NSUN6: variants seen among roughly 807,000 people sequenced by gnomAD.
NSUN6 encodes NOP2/Sun RNA methyltransferase 6.
A neutral mutation model predicts 58.0 loss-of-function variants in NSUN6; 64 were observed. That is an observed-to-expected ratio of 1.10 (90% CI 0.90 to 1.36). NSUN6 has a LOEUF of 1.36. NSUN6 is among the 40% of genes most tolerant of loss of function. The probability of loss-of-function intolerance (pLI) is 0.00; values close to 1 mark genes in which losing one functional copy is unlikely to be tolerated. For missense variants in NSUN6, 701 were observed against 550.1 expected, an observed-to-expected ratio of 1.27 and a Z score of -2.74; for synonymous variants, 231 against 193.9, an observed-to-expected ratio of 1.19 and a Z score of -1.59.
At position 18,648,608 on chromosome 10, in the gene NSUN6, T is replaced by C; in HGVS notation, c.113A>G (p.Lys38Arg). 1.9e-6 allele frequency: 3 copies of C among 1,607,154 alleles called. 1 individual carries two copies. The Middle Eastern group carries it at 5.0e-4, about 266-fold the overall frequency. The change falls in exon 2 of 11, where the codon AAG (lysine) becomes AGG (arginine). Residue 38 changes from lysine to arginine, a missense_variant. Physicochemically the swap from Lys to Arg is conservative, Grantham distance 26 (BLOSUM62 2). Coordinates refer to ENST00000377304, the MANE Select transcript of NSUN6 (RefSeq NM_182543.5). ...TALGKQEAER[K>R]FETLLKHLSH... is the part of the protein sequence containing the mutation. ...CAGGTGCTTTAACAAAGTTTCAAAC[T>C]TCCTTTCTGCTTCTTGTTTACCTAA... is the stretch of plus-strand genomic sequence containing the variant.
At chr10:18,649,766 T>A (rs1373138384) in intron 1 of NSUN6, among the ~76,000 whole-genome samples, 1 of 152,174 alleles carries the variant, frequency 6.6e-6, no homozygotes, top group African/African-American at 2.4e-5. Flanking sequence ...GACGTTTGGA[T>A]CTTCTTTATA....
In NSUN6 at chr10:18,648,536, G is replaced by T; in HGVS notation, c.185C>A (p.Ala62Asp). Residue 62 changes from alanine to aspartate, a missense_variant, in exon 2 of 11, where the codon GCC becomes GAC. Coordinates refer to ENST00000377304, the MANE Select transcript of NSUN6 (RefSeq NM_182543.5). ...CAGATTTTTCACATGTTGTACTGAG[G>T]CTAAATGTGTATTCACTCTGACAGT... Reference protein sequence around the residue: ...FTTVRVNTHLASVQHVKNLLL... With the variant: ...FTTVRVNTHLDSVQHVKNLLL... 1 of 1,608,894 alleles carries T rather than the reference G, an allele frequency of 6.2e-7. No individual in the cohort carries two copies. Among genetic ancestry groups the T allele is most frequent in the Non-Finnish European group, 8.5e-7 (1 of 1,175,446 alleles).
chr10:18,644,062 C>G (rs188894534), intron 2 of NSUN6, among the ~76,000 whole-genome samples: 1 of 152,142 alleles, frequency 6.6e-6, no homozygotes, highest in Non-Finnish European at 1.5e-5. Flanking sequence ...CCATTTTAAA[C>G]GTACAATTCA....
intron 8 of NSUN6, among the ~76,000 whole-genome samples, chr10:18,584,309 A>C (rs573534625): frequency 1.4e-3 from 219 of 152,282 alleles, no homozygotes; most frequent in Admixed American, 5.3e-3. Context: ...TACCTTATAA[A>C]AGTTTCCGCT....
rs1299948004 is a variant in NSUN6, at chr10:18,562,548, A to ATGGAATGGAGAATGGAG, written c.923-10594_923-10578dup. On this transcript the variant is annotated intron_variant, in intron 8 of 10. Transcript: ENST00000377304. ...AGAATGGAATGGAGAATGGAATAGA[A>ATGGAATGGAGAATGGAG]TGGAATGGAGAATGGAGTGGAATAG... Among the ~76,000 whole-genome samples the ATGGAATGGAGAATGGAG allele has an allele frequency of 4.1e-4, 62 of 150,226 alleles. 1 individual carries two copies. Among genetic ancestry groups the ATGGAATGGAGAATGGAG allele is most frequent in the African/African-American group, 1.5e-3 (60 of 39,998 alleles).
At chr10:18,628,285 T>A (rs995526552) in intron 3 of NSUN6, among the ~76,000 whole-genome samples, 1 of 151,812 alleles carries the variant, frequency 6.6e-6, no homozygotes, top group African/African-American at 2.4e-5. Context: ...CAAAAGTAGA[T>A]AAAACCACAA....
chr10:18,610,436 G>A (rs894674444), intron 5 of NSUN6, among the ~76,000 whole-genome samples: 3 of 152,122 alleles, frequency 2.0e-5, no homozygotes, highest in African/African-American at 7.2e-5. Context: ...AGAATACGAA[G>A]CCATCAGAAC....
At chr10:18,611,370 A>G (rs1405206581) in intron 5 of NSUN6, among the ~76,000 whole-genome samples, 2 of 152,126 alleles carry the variant, frequency 1.3e-5, no homozygotes, top group Non-Finnish European at 1.5e-5. Context: ...ATCTTGGCAG[A>G]CATGCATCTA....
chr10:18,560,158 GGGGAA>G (rs1381315778), intron 8 of NSUN6, among the ~76,000 whole-genome samples: 12 of 149,730 alleles, frequency 8.0e-5, no homozygotes, highest in African/African-American at 2.4e-4. Flanking sequence ...AGAATGGAAT[GGGGAA>G]TGGAATGGAA....
intron 8 of NSUN6, among the ~76,000 whole-genome samples, chr10:18,577,440 C>T (rs1589930785): frequency 6.6e-6 from 1 of 151,990 alleles, no homozygotes; most frequent in South Asian, 2.1e-4. Flanking sequence ...AATGGGTGTA[C>T]TTCTTCTTCT....
chr10:18,653,729 A>C (rs1371704342), upstream of NSUN6, among the ~76,000 whole-genome samples: 3 of 152,216 alleles, frequency 2.0e-5, no homozygotes, highest in Non-Finnish European at 4.4e-5. Flanking sequence ...TGACGAAGAT[A>C]TCTCTTGGGA....
At chr10:18,647,470 T>A (rs563425024) in intron 2 of NSUN6, among the ~76,000 whole-genome samples, 1 of 152,304 alleles carries the variant, frequency 6.6e-6, no homozygotes, top group African/African-American at 2.4e-5. Flanking sequence ...ATGAAACACC[T>A]AAGGCAAAGC....
At chr10:18,554,980 G>A (rs1426462228) in intron 8 of NSUN6, among the ~76,000 whole-genome samples, 1 of 151,292 alleles carries the variant, frequency 6.6e-6, no homozygotes, top group African/African-American at 2.4e-5. Context: ...ATGGACACTG[G>A]AATGGAAAAT....
chr10:18,578,578 C>G (rs998160684), intron 8 of NSUN6, among the ~76,000 whole-genome samples: 1 of 152,096 alleles, frequency 6.6e-6, no homozygotes. Flanking sequence ...TTGCTTACAG[C>G]CCCCCAACAT....
At chr10:18,589,432 C>T (rs1047881532) in intron 7 of NSUN6, among the ~76,000 whole-genome samples, 1 of 152,084 alleles carries the variant, frequency 6.6e-6, no homozygotes. Flanking sequence ...CACTAAGATA[C>T]CCCTCAAGAA....
chr10:18,652,339 CT>C (rs2059723922), upstream of NSUN6: 1 of 982,910 alleles, frequency 1.0e-6, no homozygotes, highest in African/African-American at 1.8e-5. Flanking sequence ...ATTCTATCAC[CT>C]TGACATATGT....
At position 18,545,749 on chromosome 10, in the gene NSUN6, T is replaced by C. The variant is rs1057025171; in HGVS notation, c.*184A>G. On this transcript the variant is annotated 3_prime_UTR_variant, in exon 11 of 11. Coordinates refer to ENST00000377304, the MANE Select transcript of NSUN6 (RefSeq NM_182543.5). ...AAAAATCTTTTAAAAACAGAAAATA[T>C]AATCTCATACCACCCCCTACTTCCT... 5 of 545,010 alleles carry C rather than the reference T, an allele frequency of 9.2e-6. No individual in the cohort carries two copies. Among genetic ancestry groups the C allele is most frequent in the Non-Finnish European group, 1.6e-5 (5 of 316,024 alleles). 33.8% of individuals were successfully genotyped at this position (545,010 alleles called of 1,614,324 possible).
chr10:18,597,249 G>A (rs2057624917), intron 6 of NSUN6, among the ~76,000 whole-genome samples: 1 of 152,084 alleles, frequency 6.6e-6, no homozygotes, highest in African/African-American at 2.4e-5. Flanking sequence ...GAATAAAACA[G>A]ATAGAACAGT....
At chr10:18,627,460 C>T (rs1006752412) in intron 3 of NSUN6, among the ~76,000 whole-genome samples, 6 of 152,160 alleles carry the variant, frequency 3.9e-5, no homozygotes, top group Non-Finnish European at 7.4e-5. Flanking sequence ...GCGTGAGCGA[C>T]GCAGAAGACG....
Sources: allele counts gnomAD v4.1 joint callset (sites outside exome capture counted in the v4.1 genomes callset), GRCh38; gene constraint gnomAD v4.1.1; transcripts MANE v1.5; gene names NCBI Gene and HGNC (gene_info 2026-07-23, HGNC 2026-07-21).